CORO2B: variants seen among roughly 807,000 people sequenced by gnomAD.
CORO2B encodes coronin 2B.
A neutral mutation model predicts 58.8 loss-of-function variants in CORO2B; 26 were observed. That is an observed-to-expected ratio of 0.44 (90% CI 0.32 to 0.61). CORO2B has a LOEUF of 0.61. Among genes scored for constraint, CORO2B ranks in the 20% least tolerant of loss-of-function variants. The pLI, the probability that CORO2B is intolerant of heterozygous loss-of-function variation, is 0.04. For missense variants in CORO2B, 460 were observed against 645.1 expected (o/e 0.71, Z 3.11); for synonymous variants, 242 against 253.8 (o/e 0.95, Z 0.44).
chr15:68,602,950 C>T (rs1900020545), intron 1 of CORO2B, among the ~76,000 whole-genome samples: 2 of 152,188 alleles, frequency 1.3e-5, no homozygotes, highest in Admixed American at 1.3e-4. Flanking sequence ...GGTGGACACA[C>T]AGCTTTGCAA....
intron 2 of CORO2B, among the ~76,000 whole-genome samples, chr15:68,668,894 C>T (rs376041834): frequency 1.3e-5 from 2 of 152,252 alleles, no homozygotes; most frequent in Middle Eastern, 3.4e-3. Flanking sequence ...GCCTGACCAA[C>T]GTGCAGAAAC....
At chr15:68,683,321 T>C (rs1015875175) in intron 2 of CORO2B, among the ~76,000 whole-genome samples, 1 of 152,098 alleles carries the variant, frequency 6.6e-6, no homozygotes, top group Admixed American at 6.5e-5. Context: ...CAGAGCTGAC[T>C]CTCTTGTTGG....
chr15:68,633,465 G>A (rs906927667), intron 1 of CORO2B, among the ~76,000 whole-genome samples: 2 of 151,216 alleles, frequency 1.3e-5, no homozygotes, highest in South Asian at 4.2e-4. Context: ...CAGCTGGTGA[G>A]GCCCCTTGAA....
At chr15:68,675,677 A>G (rs1256652802) in intron 2 of CORO2B, among the ~76,000 whole-genome samples, 2 of 152,224 alleles carry the variant, frequency 1.3e-5, no homozygotes, top group Non-Finnish European at 2.9e-5. Context: ...AACCAAGGTC[A>G]TGGAGATCAT....
chr15:68,630,053 G>A (rs931942712), intron 1 of CORO2B, among the ~76,000 whole-genome samples: 1 of 152,224 alleles, frequency 6.6e-6, no homozygotes, highest in Non-Finnish European at 1.5e-5. Context: ...GGAGGGTGCT[G>A]GTGTTTGCTC....
intron 1 of CORO2B, among the ~76,000 whole-genome samples, chr15:68,602,390 C>T (rs1477163637): frequency 1.3e-5 from 2 of 149,990 alleles, no homozygotes; most frequent in African/African-American, 5.0e-5. Context: ...TTTGGTCCTG[C>T]CCAAATTAGG....
At chr15:68,601,863 C>T (rs970193850) in intron 1 of CORO2B, among the ~76,000 whole-genome samples, 5 of 152,184 alleles carry the variant, frequency 3.3e-5, no homozygotes, top group African/African-American at 7.2e-5. Flanking sequence ...ATTGATTTCT[C>T]ATAGCCGTGG....
At chr15:68,619,153 G>A (rs1463330143) in intron 1 of CORO2B, among the ~76,000 whole-genome samples, 1 of 152,158 alleles carries the variant, frequency 6.6e-6, no homozygotes, top group Non-Finnish European at 1.5e-5. Context: ...AATGAATCAT[G>A]TTTTCCTTTT....
chr15:68,652,679 G>A (rs1020051454), intron 2 of CORO2B, among the ~76,000 whole-genome samples: 3 of 152,190 alleles, frequency 2.0e-5, no homozygotes, highest in African/African-American at 7.2e-5. Context: ...GAGCTTTTGA[G>A]GATCTAACAT....
At chr15:68,640,389 A>G (rs1456398342) in intron 1 of CORO2B, among the ~76,000 whole-genome samples, 1 of 152,172 alleles carries the variant, frequency 6.6e-6, no homozygotes. Context: ...CTAACTCTTA[A>G]AGTTTACAAG....
chr15:68,562,796 G>A, the CORO2B span, among the ~76,000 whole-genome samples: 1 of 151,892 alleles, frequency 6.6e-6, no homozygotes, highest in African/African-American at 2.4e-5. Context: ...CTAACACGGC[G>A]AAACCCCGTC....
At chr15:68,655,773 G>A (rs1050148821) in intron 2 of CORO2B, among the ~76,000 whole-genome samples, 2 of 152,230 alleles carry the variant, frequency 1.3e-5, no homozygotes, top group African/African-American at 4.8e-5. Flanking sequence ...TGTCCACAAA[G>A]GGCGGCCATC....
intron 3 of CORO2B, among the ~76,000 whole-genome samples, chr15:68,697,422 T>C (rs1277424361): frequency 6.6e-6 from 1 of 152,162 alleles, no homozygotes; most frequent in Non-Finnish European, 1.5e-5. Context: ...TAATCAGTTA[T>C]CCAAAGAAAG....
chr15:68,618,571 G>A (rs538213338), intron 1 of CORO2B, among the ~76,000 whole-genome samples: 1 of 152,362 alleles, frequency 6.6e-6, no homozygotes, highest in African/African-American at 2.4e-5. Flanking sequence ...CCTGGCACAT[G>A]AGCAGTGCTC....
intron 2 of CORO2B, among the ~76,000 whole-genome samples, chr15:68,665,372 G>A (rs1595999115): frequency 1.3e-5 from 2 of 152,134 alleles, no homozygotes. Context: ...CCACAATGCT[G>A]TGTTACTAAG....
At position 68,645,470 on chromosome 15, in the gene CORO2B, C is replaced by T; in HGVS notation, c.216+110C>T. ...CTTCTCTCTGAGTTCCCACCTTTTACTTCCTCATCAAGCATCTAGTGGCTA... is the reference window on the plus strand; with the variant it reads ...CTTCTCTCTGAGTTCCCACCTTTTATTTCCTCATCAAGCATCTAGTGGCTA... On this transcript the variant is annotated intron_variant, in intron 2 of 11. Transcript: ENST00000261861. This position sits in a 1 kb window ranked among gnomAD's most constrained non-coding sequence, Gnocchi z 4.5. The T allele has an allele frequency of 9.8e-7, 1 of 1,020,468 alleles. No homozygotes were observed. 63.2% of individuals were successfully genotyped at this position (1,020,468 alleles called of 1,614,324 possible).
chr15:68,591,503 A>G (rs1348448173), intron 1 of CORO2B, among the ~76,000 whole-genome samples: 2 of 152,174 alleles, frequency 1.3e-5, no homozygotes, highest in Non-Finnish European at 2.9e-5. Flanking sequence ...TGGGAGTCCT[A>G]GAGGGGCTTT....
chr15:68,593,984 A>G (rs1899766550), intron 1 of CORO2B, among the ~76,000 whole-genome samples: 1 of 152,186 alleles, frequency 6.6e-6, no homozygotes, highest in South Asian at 2.1e-4. Flanking sequence ...CTGGAGTATG[A>G]CTTGAGCAGA....
chr15:68,715,347 C>T (rs925628516), intron 8 of CORO2B, 36 bp downstream of exon 8: 4 of 1,473,240 alleles, frequency 2.7e-6, no homozygotes, highest in Middle Eastern at 1.7e-4. Context: ...CTGGTGTGCT[C>T]ATGGCACGGG....
Sources: gnomAD v4.1 joint callset for allele counts (sites outside exome capture counted in the v4.1 genomes callset) on GRCh38, gnomAD v4.1.1 for gene constraint, Gnocchi (gnomAD v3.1) non-coding constraint, MANE v1.5 for transcripts, NCBI Gene and HGNC (gene_info 2026-07-23, HGNC 2026-07-21) for gene names.